Variants in JHY observed in about 807,000 individuals in gnomAD.
JHY encodes the protein jhy protein homolog.
JHY carries 69 observed loss-of-function variants against 78.0 expected under a neutral mutation model. That is an observed-to-expected ratio of 0.88 (90% CI 0.73 to 1.08). The LOEUF is 1.08. Ranked by LOEUF, JHY falls within the 50% of genes least tolerant of loss-of-function variation. The probability of loss-of-function intolerance (pLI) is 0.00; values close to 1 mark genes in which losing one functional copy is unlikely to be tolerated. For missense variants in JHY, 944 were observed against 927.8 expected, an observed-to-expected ratio of 1.02 and a Z score of -0.23; for synonymous variants, 368 against 342.6, an observed-to-expected ratio of 1.07 and a Z score of -0.82.
At chr11:122,885,138 G>A (rs745605513) in intron 1 of JHY, among the ~76,000 whole-genome samples, 10 of 152,046 alleles carry the variant, frequency 6.6e-5, no homozygotes, top group East Asian at 1.9e-4. Flanking sequence ...AAAAAATACC[G>A]GATGAGGTTG....
rs758492291 is a variant in JHY, at chr11:122,904,310, C to A, written c.730C>A (p.Arg244Ser). ...TAACGAGGTTTTCCTGCCGGGATCA[C>A]GTGGCCCTCGGCGAAGGAAATCCAA... ...SHNEVFLPGSRGPRRRKSKQH... is the reference protein window; with the variant it reads ...SHNEVFLPGSSGPRRRKSKQH... Residue 244 changes from arginine to serine, a missense_variant, in exon 3 of 9, where the codon CGT (arginine) becomes AGT (serine). Arg to Ser is a moderately radical substitution (Grantham distance 110). Transcript: ENST00000227349. 8.7e-6 allele frequency: 14 copies of A among 1,613,982 alleles called. No individual in the cohort carries two copies. The highest frequency in any genetic ancestry group is 1.1e-5 in the Non-Finnish European group (13 of 1,180,038).
chr11:122,954,981 C>A lies in JHY; in HGVS notation c.1930-1515C>A, dbSNP rs1020407133. On this transcript the variant is annotated intron_variant, in intron 6 of 8. Coordinates refer to ENST00000227349, the MANE Select transcript of JHY (RefSeq NM_024806.4). Reference sequence around the variant, plus strand: ...AACTTACGTGTGCCTTAAGAAATTACTGTCATCCAACCACCTCTTTTATAT... The same window carrying A: ...AACTTACGTGTGCCTTAAGAAATTAATGTCATCCAACCACCTCTTTTATAT... Among the ~76,000 whole-genome samples the A allele has an allele frequency of 3.3e-5, 5 of 152,170 alleles. No individual in the cohort carries two copies. The East Asian group carries it at 9.6e-4, about 29-fold the overall frequency.
intron 5 of JHY, among the ~76,000 whole-genome samples, chr11:122,945,020 TC>T (rs1863936535): frequency 6.6e-6 from 1 of 151,372 alleles, no homozygotes; most frequent in African/African-American, 2.4e-5. Context: ...AAGATTCATC[TC>T]TTTCATAAAT....
At chr11:122,888,438 T>C (rs1862541770) in intron 2 of JHY, among the ~76,000 whole-genome samples, 1 of 152,214 alleles carries the variant, frequency 6.6e-6, no homozygotes, top group Non-Finnish European at 1.5e-5. Flanking sequence ...AGTTGCTGCT[T>C]TTCCTATTTT....
At chr11:122,915,902 A>G (rs1863223443) in intron 3 of JHY, among the ~76,000 whole-genome samples, 1 of 152,180 alleles carries the variant, frequency 6.6e-6, no homozygotes, top group African/African-American at 2.4e-5. Context: ...TCGTGAAAGA[A>G]CACTAAGTAG....
chr11:122,919,682 A>G (rs7120778), intron 3 of JHY, among the ~76,000 whole-genome samples: 22,391 of 152,108 alleles, frequency 0.15, 2,940 homozygotes, highest in African/African-American at 0.35. Context: ...AAAAAAATAT[A>G]TTCAAAAGTT....
At chr11:122,948,652 G>A (rs1429380330) in intron 6 of JHY, among the ~76,000 whole-genome samples, 3 of 151,534 alleles carry the variant, frequency 2.0e-5, no homozygotes, top group African/African-American at 7.3e-5. Flanking sequence ...AATAATAAAA[G>A]TAATAATAAT....
At chr11:122,916,882 A>G (rs1863245187) in intron 3 of JHY, among the ~76,000 whole-genome samples, 1 of 152,082 alleles carries the variant, frequency 6.6e-6, no homozygotes, top group Non-Finnish European at 1.5e-5. Flanking sequence ...CTCCCACGTC[A>G]GCCTCCCAAA....
chr11:122,936,426 C>CTT lies in JHY; in HGVS notation c.1634+1362_1634+1363dup, dbSNP rs761664487. Among the ~76,000 whole-genome samples the CTT allele has an allele frequency of 5.5e-3, 785 of 142,950 alleles. 8 individuals are homozygous for CTT. Among genetic ancestry groups the CTT allele is most frequent in the African/African-American group, 0.019 (747 of 39,322 alleles). 93.8% of individuals were successfully genotyped at this position (142,950 alleles called of 152,430 possible). On this transcript the variant is annotated intron_variant, in intron 5 of 8. Coordinates refer to ENST00000227349, the MANE Select transcript of JHY (RefSeq NM_024806.4). ...AATGATAAATAGCAGGCATCTTTGT[C>CTT]TTTTTTTTTTTTCCTGATTTTAGAA...
At chr11:122,949,052 C>G (rs1043378756) in intron 6 of JHY, among the ~76,000 whole-genome samples, 2 of 151,276 alleles carry the variant, frequency 1.3e-5, no homozygotes, top group African/African-American at 4.9e-5. Context: ...CCACTGCACT[C>G]CAGCCTGGGG....
chr11:122,896,342 C>CAAAAAAAA (rs11370911), intron 2 of JHY, among the ~76,000 whole-genome samples: 1 of 73,420 alleles, frequency 1.4e-5, no homozygotes, highest in Non-Finnish European at 2.5e-5. Context: ...GACTCTGTCT[C>CAAAAAAAA]AAAAAAAAAA....
At chr11:122,904,738 T>G (rs1862948613) in intron 3 of JHY, among the ~76,000 whole-genome samples, 1 of 152,226 alleles carries the variant, frequency 6.6e-6, no homozygotes, top group Non-Finnish European at 1.5e-5. Context: ...TATAAGTCCA[T>G]TGTTATGTCA....
intron 7 of JHY, among the ~76,000 whole-genome samples, chr11:122,956,901 GA>G (rs1252056147): frequency 1.3e-5 from 2 of 152,122 alleles, no homozygotes; most frequent in Non-Finnish European, 2.9e-5. Context: ...TGATAATTGT[GA>G]AGAGTGGCCA....
At chr11:122,954,780 C>T (rs1293737319) in intron 6 of JHY, among the ~76,000 whole-genome samples, 6 of 151,184 alleles carry the variant, frequency 4.0e-5, no homozygotes, top group African/African-American at 9.8e-5. Flanking sequence ...TAGACAGTCT[C>T]ATAACCTGGC....
chr11:122,893,165 GTATT>G (rs746800458), intron 2 of JHY, among the ~76,000 whole-genome samples: 1 of 152,256 alleles, frequency 6.6e-6, no homozygotes, highest in Non-Finnish European at 1.5e-5. Flanking sequence ...GTAGCTACTA[GTATT>G]TATTTATTTA....
intron 3 of JHY, among the ~76,000 whole-genome samples, chr11:122,906,815 G>C (rs1216874509): frequency 6.6e-6 from 1 of 152,068 alleles, no homozygotes; most frequent in Non-Finnish European, 1.5e-5. Flanking sequence ...TTGTGCCATG[G>C]AGGAAACTTT....
chr11:122,893,689 A>G (rs1565306553), intron 2 of JHY, among the ~76,000 whole-genome samples: 1 of 152,198 alleles, frequency 6.6e-6, no homozygotes. Context: ...CAAGTTTGAA[A>G]ATATAGAAAA....
chr11:122,886,868 C>G (rs1335641726), intron 2 of JHY, among the ~76,000 whole-genome samples: 1 of 152,142 alleles, frequency 6.6e-6, no homozygotes, highest in Non-Finnish European at 1.5e-5. Context: ...TCTTACTTGG[C>G]CCATTCAAAG....
At chr11:122,948,344 G>A (rs1864008933) in intron 6 of JHY, among the ~76,000 whole-genome samples, 1 of 151,910 alleles carries the variant, frequency 6.6e-6, no homozygotes, top group Non-Finnish European at 1.5e-5. Flanking sequence ...TGGGGAGGCT[G>A]AGGCAGGAAA....
Sources: gnomAD v4.1 joint callset for allele counts (sites outside exome capture counted in the v4.1 genomes callset) on GRCh38, gnomAD v4.1.1 for gene constraint, MANE v1.5 for transcripts, NCBI Gene and HGNC (gene_info 2026-07-23, HGNC 2026-07-21) for gene names.